Variants in TBC1D22A observed in about 807,000 individuals in gnomAD.
TBC1D22A encodes TBC1 domain family member 22A.
A neutral mutation model predicts 60.2 loss-of-function variants in TBC1D22A; 38 were observed. That is an observed-to-expected ratio of 0.63 (90% CI 0.49 to 0.83). The LOEUF (loss-of-function observed/expected upper bound fraction) is 0.83. Ranked by LOEUF, TBC1D22A falls within the 40% of genes least tolerant of loss-of-function variation. The pLI is 0.00. For missense variants in TBC1D22A, 628 were observed against 701.0 expected (o/e 0.90, Z 1.18); for synonymous variants, 302 against 281.7 (o/e 1.07, Z -0.72).
At chr22:46,887,066 G>A (rs2068155627) in intron 5 of TBC1D22A, among the ~76,000 whole-genome samples, 1 of 152,240 alleles carries the variant, frequency 6.6e-6, no homozygotes, top group Non-Finnish European at 1.5e-5. Context: ...GAGTGAAAAG[G>A]CAAGTCACAG....
intron 10 of TBC1D22A, among the ~76,000 whole-genome samples, chr22:47,026,717 A>G (rs2062269333): frequency 6.6e-6 from 1 of 152,256 alleles, no homozygotes; most frequent in African/African-American, 2.4e-5. Flanking sequence ...ATAGGCCTGT[A>G]CACTGAAAAC....
intron 11 of TBC1D22A, among the ~76,000 whole-genome samples, chr22:47,075,431 C>G (rs905539571): frequency 1.3e-5 from 2 of 152,010 alleles, no homozygotes; most frequent in Admixed American, 6.6e-5. Context: ...GCCTGTAATC[C>G]CAGCATCTTG....
chr22:46,911,007 G>A (rs1332970840), intron 7 of TBC1D22A, among the ~76,000 whole-genome samples: 1 of 152,036 alleles, frequency 6.6e-6, no homozygotes. Context: ...GGGGCCAGGG[G>A]TACTGCACTG....
intron 5 of TBC1D22A, among the ~76,000 whole-genome samples, chr22:46,881,467 C>T (rs2067846878): frequency 6.6e-6 from 1 of 152,204 alleles, no homozygotes; most frequent in African/African-American, 2.4e-5. Context: ...TATTCCTGTG[C>T]TCCCAGTGCA....
intron 8 of TBC1D22A, among the ~76,000 whole-genome samples, chr22:46,940,552 G>GTGTA (rs2071933530): frequency 8.1e-6 from 1 of 123,460 alleles, no homozygotes; most frequent in African/African-American, 3.1e-5. Context: ...ATATATGTAT[G>GTGTA]TGTATGTATA....
chr22:46,983,850 G>C lies in TBC1D22A; in HGVS notation c.1125+9451G>C, dbSNP rs1262318355. ...AATGCTATTTGGTATTAGTAGCTAT[G>C]TTTCGGGGATGATTTTTAGTGTAGA... is the stretch of plus-strand genomic sequence containing the variant. On this transcript the variant is annotated intron_variant, in intron 9 of 12. Coordinates refer to ENST00000337137, the MANE Select transcript of TBC1D22A (RefSeq NM_014346.5). 2.0e-5 allele frequency among the ~76,000 whole-genome samples: 3 copies of C among 152,028 alleles called. No homozygotes were observed. In the East Asian group the frequency reaches 5.8e-4, roughly 29 times the overall value.
chr22:46,878,619 T>C (rs1226523022), intron 4 of TBC1D22A, 34 bp from the exon 5 acceptor site: 1 of 1,608,976 alleles, frequency 6.2e-7, no homozygotes, highest in East Asian at 2.2e-5. Flanking sequence ...CTTTTGCAAA[T>C]CTTGTTTTTC....
chr22:47,054,596 C>A (rs574310983), intron 11 of TBC1D22A, among the ~76,000 whole-genome samples: 3 of 152,230 alleles, frequency 2.0e-5, no homozygotes, highest in Admixed American at 6.5e-5. Flanking sequence ...ATTCCAGCCA[C>A]GCGGCTCCTC....
At chr22:46,961,615 A>G (rs1352702649) in intron 8 of TBC1D22A, among the ~76,000 whole-genome samples, 1 of 152,220 alleles carries the variant, frequency 6.6e-6, no homozygotes, top group Non-Finnish European at 1.5e-5. Flanking sequence ...TGTAATTCCC[A>G]TGTGAACATG....
intron 10 of TBC1D22A, among the ~76,000 whole-genome samples, chr22:47,021,002 A>T (rs738997): frequency 0.23 from 35,709 of 152,186 alleles, 4,505 homozygotes; most frequent in East Asian, 0.29. Flanking sequence ...CAGCTGGCTC[A>T]GTCCTGTAGC....
chr22:47,164,152 A>G (rs931035854), intron 12 of TBC1D22A, among the ~76,000 whole-genome samples: 3 of 152,244 alleles, frequency 2.0e-5, no homozygotes, highest in African/African-American at 7.2e-5. Flanking sequence ...TGGCCCAGCC[A>G]CGTGAAGCTG....
At chr22:46,989,904 G>C (rs1261318119) in intron 9 of TBC1D22A, among the ~76,000 whole-genome samples, 1 of 152,116 alleles carries the variant, frequency 6.6e-6, no homozygotes, top group Non-Finnish European at 1.5e-5. Flanking sequence ...CCAGGCTTAA[G>C]TGATTCTCCC....
At chr22:46,989,759 TCACACACACACA>T (rs35714390) in intron 9 of TBC1D22A, among the ~76,000 whole-genome samples, 1 of 146,158 alleles carries the variant, frequency 6.8e-6, no homozygotes, top group African/African-American at 2.5e-5. Context: ...TGTGACAGAG[TCACACACACACA>T]CACACACACA....
intron 12 of TBC1D22A, among the ~76,000 whole-genome samples, chr22:47,162,186 A>G (rs2068007760): frequency 1.4e-5 from 2 of 145,786 alleles, no homozygotes; most frequent in Admixed American, 1.4e-4. Flanking sequence ...ACCGGGTGTT[A>G]GTTTTCATTT....
At chr22:47,034,916 C>A (rs1043891029) in intron 10 of TBC1D22A, among the ~76,000 whole-genome samples, 1 of 152,202 alleles carries the variant, frequency 6.6e-6, no homozygotes, top group Admixed American at 6.5e-5. Flanking sequence ...TCTTTGCTTG[C>A]AGCCGACTCT....
At chr22:46,982,392 T>C (rs1353354396) in intron 9 of TBC1D22A, among the ~76,000 whole-genome samples, 1 of 151,956 alleles carries the variant, frequency 6.6e-6, no homozygotes, top group African/African-American at 2.4e-5. Context: ...CCCGGCTAAT[T>C]TTTATATTTT....
intron 1 of TBC1D22A, among the ~76,000 whole-genome samples, chr22:46,790,534 C>CT (rs2084361798): frequency 1.3e-5 from 2 of 152,080 alleles, no homozygotes; most frequent in South Asian, 2.1e-4. Context: ...AAGGAATCCT[C>CT]TGTTTACAAG....
chr22:47,082,865 G>A lies in TBC1D22A; in HGVS notation c.1330-28643G>A, dbSNP rs114641371. Among the ~76,000 whole-genome samples the A allele has an allele frequency of 2.6e-3, 403 of 152,286 alleles. 1 individual carries two copies. The highest frequency in any genetic ancestry group is 9.4e-3 in the African/African-American group (391 of 41,544). On this transcript the variant is annotated intron_variant, in intron 11 of 12. Transcript: ENST00000337137. ...ACTCCATTCCTAGGTATGTGCATGAGAACTGAACATTTATGTCCACAAAAA... is the reference window on the plus strand; with the variant it reads ...ACTCCATTCCTAGGTATGTGCATGAAAACTGAACATTTATGTCCACAAAAA...
chr22:46,893,896 C>T (rs142865854), intron 6 of TBC1D22A, among the ~76,000 whole-genome samples: 44 of 152,328 alleles, frequency 2.9e-4, no homozygotes, highest in African/African-American at 9.6e-4. Flanking sequence ...TCACCAGTAA[C>T]GTTTTGAGAT....
Sources: allele counts gnomAD v4.1 joint callset (sites outside exome capture counted in the v4.1 genomes callset), GRCh38; gene constraint gnomAD v4.1.1; transcripts MANE v1.5; gene names NCBI Gene and HGNC (gene_info 2026-07-23, HGNC 2026-07-21).